Variants in UMOD observed in about 807,000 individuals in gnomAD.
UMOD encodes Tamm-Horsfall urinary glycoprotein.
In UMOD, 64 loss-of-function variants were observed where a neutral mutation model predicts 66.0. That is an observed-to-expected ratio of 0.97 (90% CI 0.79 to 1.19). The LOEUF (loss-of-function observed/expected upper bound fraction) is 1.19, where lower values mean the gene tolerates loss of function less well. Among genes scored for constraint, UMOD ranks in the 50% most tolerant of loss-of-function variants. The pLI is 0.00. For synonymous variants in UMOD, 398 were observed against 352.7 expected, an observed-to-expected ratio of 1.13 and a Z score of -1.44; for missense variants, 764 against 850.9, an observed-to-expected ratio of 0.90 and a Z score of 1.27.
upstream of UMOD, among the ~76,000 whole-genome samples, chr16:20,354,025 C>A (rs143411795): frequency 1.3e-5 from 2 of 152,068 alleles, no homozygotes; most frequent in Non-Finnish European, 2.9e-5. Context: ...TTTGTCCTTG[C>A]GATAGTTTGC....
intron 5 of UMOD, among the ~76,000 whole-genome samples, chr16:20,345,849 GAACT>G (rs1596556547): frequency 6.6e-6 from 1 of 152,130 alleles, no homozygotes; most frequent in African/African-American, 2.4e-5. Context: ...GTAAAATGGA[GAACT>G]ATCACCATGA....
chr16:20,349,475 G>C (rs192923680), intron 2 of UMOD, among the ~76,000 whole-genome samples: 374 of 152,240 alleles, frequency 2.5e-3, no homozygotes, highest in African/African-American at 8.7e-3. Context: ...CCAGGCTGGA[G>C]TGCAGTAGTG....
In UMOD at chr16:20,333,246, C is replaced by T. The variant is rs113852396; in HGVS notation, c.*68G>A. The T allele has an allele frequency of 3.4e-6, 5 of 1,491,228 alleles. No individual in the cohort carries two copies. Among genetic ancestry groups the T allele is most frequent in the East Asian group, 2.3e-5 (1 of 43,160 alleles). The allele number at this position is 1,491,228 out of a possible 1,614,324, so 92.4% of individuals were successfully genotyped here. A position where few individuals can be genotyped will look rare whatever the true frequency, so the allele number is the denominator to read the frequency against. Reference sequence around the variant, plus strand: ...CTTTTCTGTGGCTGGAGCACTGGCCCGCATCATGCCCCCTGCCCAGCAGGA... The same window carrying T: ...CTTTTCTGTGGCTGGAGCACTGGCCTGCATCATGCCCCCTGCCCAGCAGGA... On this transcript the variant is annotated 3_prime_UTR_variant, in exon 11 of 11. Coordinates refer to ENST00000396138, the MANE Select transcript of UMOD (RefSeq NM_003361.4).
chr16:20,350,376 C>G (rs890556155), intron 2 of UMOD, among the ~76,000 whole-genome samples: 2 of 152,124 alleles, frequency 1.3e-5, no homozygotes, highest in Non-Finnish European at 2.9e-5. Context: ...CTCCAGGGAC[C>G]CCAGTATGAG....
intron 7 of UMOD, among the ~76,000 whole-genome samples, chr16:20,339,222 C>T (rs1349375518): frequency 6.6e-6 from 1 of 152,244 alleles, no homozygotes; most frequent in Non-Finnish European, 1.5e-5. Context: ...ATACTCCAAT[C>T]AAGGTCATGC....
Position 20,341,454 on chromosome 16 carries a change from A to G in UMOD, c.1332-118T>C, listed in dbSNP as rs892595478. On this transcript the variant is annotated intron_variant, in intron 6 of 10. Coordinates refer to ENST00000396138, the MANE Select transcript of UMOD (RefSeq NM_003361.4). Reference sequence around the variant, plus strand: ...CAGTTATTTGCATTTTTATCCAGCAATAAGAGTGGAACCCACCAACTGTTG... The same window carrying G: ...CAGTTATTTGCATTTTTATCCAGCAGTAAGAGTGGAACCCACCAACTGTTG... The G allele has an allele frequency of 7.1e-6, 11 of 1,555,524 alleles. No individual in the cohort carries two copies. The African/African-American group carries it at 1.1e-4, about 15-fold the overall frequency.
chr16:20,340,720 C>T (rs955339905), intron 7 of UMOD, among the ~76,000 whole-genome samples: 4 of 151,996 alleles, frequency 2.6e-5, no homozygotes, highest in East Asian at 1.9e-4. Context: ...TTCAGCCAGG[C>T]GTGGTGGCTC....
chr16:20,348,822 T>C lies in UMOD; in HGVS notation c.479A>G (p.Asp160Gly). 1 of 1,546,434 alleles carries C rather than the reference T, an allele frequency of 6.5e-7. No individual in the cohort carries two copies. The highest frequency in any genetic ancestry group is 8.7e-7 in the Non-Finnish European group (1 of 1,146,868). The stretch of plus-strand genomic sequence containing the variant: ...GAGCGCGTCGCCCTCGGGCACGCAG[T>C]CCAACCCCGGCCCGCAGGAGCCCGG... ...CSPGSCGPGL[D>G]CVPEGDALVC... Residue 160 changes from aspartate (D) to glycine (G), a missense_variant, in exon 3 of 11, where the codon GAC (aspartate) becomes GGC (glycine). Physicochemically the swap from Asp to Gly is moderately conservative, Grantham distance 94 (BLOSUM62 -1). Transcript: ENST00000396138.
intron 6 of UMOD, among the ~76,000 whole-genome samples, chr16:20,343,413 G>A (rs1965356045): frequency 6.6e-6 from 1 of 152,200 alleles, no homozygotes; most frequent in Admixed American, 6.5e-5. Flanking sequence ...TTCATTCACA[G>A]AGAAGGAAAG....
At position 20,345,816 on chromosome 16, in the gene UMOD, C is replaced by T. The variant is rs144892347; in HGVS notation, c.1182+310G>A. ...TGCCTACTGGCTGAGACAATCCCTA[C>T]TATGGCCCTACTTTTCCCATCTGTA... On this transcript the variant is annotated intron_variant, in intron 5 of 10. Coordinates refer to ENST00000396138, the MANE Select transcript of UMOD (RefSeq NM_003361.4). Among the ~76,000 whole-genome samples the T allele has an allele frequency of 1.1e-4, 16 of 152,218 alleles. No homozygotes were observed. The East Asian group carries it at 2.5e-3, about 24-fold the overall frequency.
At chr16:20,337,056 T>C (rs1964914723) in intron 8 of UMOD, among the ~76,000 whole-genome samples, 1 of 152,210 alleles carries the variant, frequency 6.6e-6, no homozygotes, top group Non-Finnish European at 1.5e-5. Flanking sequence ...GCTCCTGTTA[T>C]TTGAACACAA....
At position 20,346,299 on chromosome 16, in the gene UMOD, C is replaced by T. The variant is rs771734037; in HGVS notation, c.1009G>A (p.Ala337Thr). 1 of 1,614,264 alleles carries T rather than the reference C, an allele frequency of 6.2e-7. No homozygotes were observed. The highest frequency in any genetic ancestry group is 8.5e-7 in the Non-Finnish European group (1 of 1,180,054). ...CCCAGCGACACCTTCATGTCATTGG[C>T]CCCACATTCCAGCCTGTGCTCCAGG... Reference protein sequence around the residue: ...SLLEHRLECGANDMKVSLGKC... With the variant: ...SLLEHRLECGTNDMKVSLGKC... Residue 337 changes from alanine to threonine, a missense_variant, in exon 5 of 11, where the codon GCC (alanine) becomes ACC (threonine). Coordinates refer to ENST00000396138, the MANE Select transcript of UMOD (RefSeq NM_003361.4).
In UMOD at chr16:20,333,371, G is replaced by C. The variant is rs1165769065; in HGVS notation, c.1866C>G (p.Leu622=). 3 of 1,612,254 alleles carry C rather than the reference G, an allele frequency of 1.9e-6. No individual in the cohort carries two copies. The highest frequency in any genetic ancestry group is 2.5e-6 in the Non-Finnish European group (3 of 1,179,322). The stretch of plus-strand genomic sequence containing the variant: ...GAAGCAGAGGCAGCCAGACTTTCAG[G>C]AGCCCTGAAAAGAAAACAGTGACAG... The part of the protein sequence containing the change: ...TVSRAFSSLG[L]LKVWLPLLLS... The change falls in exon 11 of 11, where the codon CTC becomes CTG. Residue 622 remains leucine, a synonymous_variant. Transcript: ENST00000396138.
intron 6 of UMOD, among the ~76,000 whole-genome samples, chr16:20,343,787 G>A (rs1444349478): frequency 6.6e-6 from 1 of 152,178 alleles, no homozygotes. Context: ...ACAGAGCTGG[G>A]GCTTGAACCA....
intron 2 of UMOD, chr16:20,349,911 T>G (rs1965808766): frequency 6.6e-7 from 1 of 1,512,710 alleles, no homozygotes; most frequent in Non-Finnish European, 8.8e-7. Context: ...AAGAAGCTGT[T>G]GTTTATTAAG....
At chr16:20,338,182 A>G (rs772872617) in intron 7 of UMOD, among the ~76,000 whole-genome samples, 1 of 152,242 alleles carries the variant, frequency 6.6e-6, no homozygotes, top group African/African-American at 2.4e-5. Context: ...CCAAAAGTGC[A>G]GACTCTGCCT....
chr16:20,337,569 T>C, intron 7 of UMOD, 116 bp from the exon 8 acceptor site: 10 of 1,276,056 alleles, frequency 7.8e-6, no homozygotes, highest in Non-Finnish European at 1.1e-5. Context: ...GGGCAACTTA[T>C]TTAATCTCTG....
rs780358900 is a variant in UMOD at position 20,337,391 on chromosome 16, C to T, written c.1640G>A (p.Arg547Gln). The change falls in exon 8 of 11, where the codon CGA becomes CAA. Residue 547 changes from arginine (R) to glutamine (Q), a missense_variant. Arg to Gln is a conservative substitution (Grantham distance 43, BLOSUM62 1). Coordinates refer to ENST00000396138, the MANE Select transcript of UMOD (RefSeq NM_003361.4). ...VVENGESSQG[R>Q]FSVQMFRFAG... ...AAACCGGAACATCTGGACGGAAAAT[C>T]GGCCCTGGGAGGACTCCCCATTCTC... is the stretch of plus-strand genomic sequence containing the variant. 1.9e-5 allele frequency: 30 copies of T among 1,614,066 alleles called. No individual in the cohort carries two copies. The highest frequency in any genetic ancestry group is 1.6e-4 in the Middle Eastern group (1 of 6,084).
chr16:20,346,881 GAGAGAAAGAAAGAAAGAA>G (rs1567307976), intron 4 of UMOD, among the ~76,000 whole-genome samples: 33 of 46,742 alleles, frequency 7.1e-4, no homozygotes, highest in Non-Finnish European at 1.8e-4. Flanking sequence ...AAAAAAGAAA[GAGAGAAAGAAAGAAAGAA>G]AGAAAGAAAG....
Sources: allele counts gnomAD v4.1 joint callset (sites outside exome capture counted in the v4.1 genomes callset), GRCh38; gene constraint gnomAD v4.1.1; transcripts MANE v1.5; gene names NCBI Gene and HGNC (gene_info 2026-07-23, HGNC 2026-07-21).